The following AR variants were observed in gnomAD, a reference collection of about 807,000 sequenced individuals.
AR encodes dihydrotestosterone receptor.
In AR, 8 loss-of-function variants were observed where a neutral mutation model predicts 53.9. The ratio of observed to expected loss-of-function variants is 0.15; its 90% CI spans 0.09 to 0.27. The LOEUF (loss-of-function observed/expected upper bound fraction) is 0.27. AR is among the 10% of genes least tolerant of loss of function. AR has a pLI of 1.00. For synonymous variants in AR, 359 were observed against 316.4 expected, an observed-to-expected ratio of 1.13 and a Z score of -1.43; for missense variants, 639 against 742.5, an observed-to-expected ratio of 0.86 and a Z score of 1.62.
At chrX:67,701,087 T>C (rs2076040477) in intron 3 of AR, among the ~76,000 whole-genome samples, 1 of 112,040 alleles carries the variant, frequency 8.9e-6, no homozygotes. Flanking sequence ...CTATATCTTA[T>C]GTTGTACAAT....
At position 67,600,437 on chromosome X, in the gene AR, G is replaced by A. The variant is rs926997933; in HGVS notation, c.1617-42819G>A. The stretch of plus-strand genomic sequence containing the variant: ...TATTATATTAAGTGAAATAAGGCAG[G>A]CACAGAAAGGCAAACATTGCATGTT... On this transcript the variant is annotated intron_variant, in intron 1 of 7. Transcript: ENST00000374690. 5.4e-5 allele frequency among the ~76,000 whole-genome samples: 6 copies of A among 110,404 alleles called. No individual in the cohort carries two copies. In the Admixed American group the frequency reaches 5.8e-4, roughly 11 times the overall value.
chrX:67,722,581 AAAAG>A (rs2076140401), intron 6 of AR, among the ~76,000 whole-genome samples: 1 of 111,919 alleles, frequency 8.9e-6, no homozygotes, highest in African/African-American at 3.3e-5. Flanking sequence ...GAAGAGTAGA[AAAAG>A]AAAAGGTTCA....
intron 1 of AR, among the ~76,000 whole-genome samples, chrX:67,637,071 T>C (rs1331838940): frequency 3.6e-5 from 4 of 111,826 alleles, no homozygotes; most frequent in African/African-American, 6.5e-5. Context: ...CACTTTAGTA[T>C]GGATGAAAAT....
intron 1 of AR, among the ~76,000 whole-genome samples, chrX:67,557,664 A>G (rs1481144369): frequency 1.8e-5 from 2 of 111,833 alleles, no homozygotes; most frequent in Admixed American, 1.9e-4. Flanking sequence ...TGGCGACAGA[A>G]CTAGGGCACA....
chrX:67,689,642 C>T (rs941420552), intron 3 of AR: 1 of 935,004 alleles, frequency 1.1e-6, no homozygotes, highest in African/African-American at 2.1e-5. Context: ...CTCTCAGCTG[C>T]TCATCCACAA....
chrX:67,715,943 C>A (rs933458035), intron 4 of AR, among the ~76,000 whole-genome samples: 7 of 111,901 alleles, frequency 6.3e-5, no homozygotes, highest in South Asian at 3.7e-4. Flanking sequence ...AAGCATCCAA[C>A]TGTTTCAAAA....
At chrX:67,602,894 A>T (rs1015146040) in intron 1 of AR, among the ~76,000 whole-genome samples, 1 of 112,243 alleles carries the variant, frequency 8.9e-6, no homozygotes, top group African/African-American at 3.2e-5. Flanking sequence ...TAATATATTT[A>T]CCATGCAAGG....
chrX:67,620,031 T>C (rs1018415058), intron 1 of AR, among the ~76,000 whole-genome samples: 12 of 110,869 alleles, frequency 1.1e-4, no homozygotes, highest in Non-Finnish European at 1.9e-4. Context: ...CTAGTTCTTG[T>C]AGTTTCTTTG....
intron 1 of AR, among the ~76,000 whole-genome samples, chrX:67,614,495 C>T (rs1924024251): frequency 9.0e-6 from 1 of 111,358 alleles, no homozygotes; most frequent in Admixed American, 9.6e-5. Flanking sequence ...AGTAACAACA[C>T]CAGAAGTCTC....
intron 2 of AR, among the ~76,000 whole-genome samples, chrX:67,648,433 C>T (rs1926158200): frequency 9.0e-6 from 1 of 111,388 alleles, no homozygotes; most frequent in African/African-American, 3.3e-5. Context: ...TACCAAGTGT[C>T]ATGGAAAAAC....
intron 1 of AR, among the ~76,000 whole-genome samples, chrX:67,614,687 A>G (rs1055515336): frequency 2.7e-5 from 3 of 111,588 alleles, no homozygotes; most frequent in African/African-American, 9.7e-5. Context: ...AGAATGAGGA[A>G]AGTATGACTC....
Position 67,730,097 on chromosome X carries a change from T to A in AR, c.*6256T>A. 1 of 175,455 alleles carries A rather than the reference T, an allele frequency of 5.7e-6. No homozygotes were observed. Among genetic ancestry groups the A allele is most frequent in the South Asian group, 3.0e-4 (1 of 3,356 alleles). The allele number at this position is 175,455 out of a possible 1,213,427, so 14.5% of individuals were successfully genotyped here. A position where few individuals can be genotyped will look rare whatever the true frequency, so the allele number is the denominator to read the frequency against. ...CAGACATGACATTCTTGTGCTGTCC[T>A]TGGAATTAATCTGGCAGCAGGAGGG... On this transcript the variant is annotated 3_prime_UTR_variant, in exon 8 of 8. Transcript: ENST00000374690.
chrX:67,723,955 T>A lies in AR; in HGVS notation c.*114T>A. ...TGCCTTGGGGAATTTCCTCTATTGA[T>A]GTACAGTCTGTCATGAACATGTTCC... On this transcript the variant is annotated 3_prime_UTR_variant, in exon 8 of 8. Transcript: ENST00000374690. 1.0e-6 allele frequency: 1 copy of A among 971,167 alleles called. No homozygotes were observed. The allele number at this position is 971,167 out of a possible 1,213,427, so 80.0% of individuals were successfully genotyped here.
At chrX:67,696,169 G>A in intron 3 of AR, 1 of 716,713 alleles carries the variant, frequency 1.4e-6, no homozygotes, top group Non-Finnish European at 1.6e-6. Flanking sequence ...TTTCTCTCTC[G>A]TTTGCTTTCC....
In AR at chrX:67,545,831, A is replaced by C. The variant is rs779499323; in HGVS notation, c.685A>C (p.Thr229Pro). 5 of 1,212,176 alleles carry C rather than the reference A, an allele frequency of 4.1e-6. No homozygotes were observed. The South Asian group carries it at 8.8e-5, about 21-fold the overall frequency. The change falls in exon 1 of 8, where the codon ACT (threonine) becomes CCT (proline). Residue 229 changes from threonine to proline, a missense_variant. Physicochemically the swap from Thr to Pro is conservative, Grantham distance 38. Around this residue, in one of 5 missense-constraint regions of AR, gnomAD observed 423 missense variants for 377.0 expected, o/e 1.12. Coordinates refer to ENST00000374690, the MANE Select transcript of AR (RefSeq NM_000044.6). The stretch of plus-strand genomic sequence containing the variant: ...CTCCAAGGACAATTACTTAGGGGGC[A>C]CTTCGACCATTTCTGACAACGCCAA... ...TSSKDNYLGG[T>P]STISDNAKEL...
intron 6 of AR, 26 bp downstream of exon 6, chrX:67,721,989 G>A (rs781566620): frequency 8.3e-7 from 1 of 1,208,194 alleles, no homozygotes; most frequent in South Asian, 1.8e-5. Context: ...TGCAGGGAAT[G>A]CCCCCTGAGG....
chrX:67,622,131 A>G (rs1326852775), intron 1 of AR, among the ~76,000 whole-genome samples: 1 of 112,298 alleles, frequency 8.9e-6, no homozygotes. Flanking sequence ...TGAGAAAAAT[A>G]TTGGTTCAGT....
In AR at chrX:67,724,994, A is replaced by G. The variant is rs916864084; in HGVS notation, c.*1153A>G. On this transcript the variant is annotated 3_prime_UTR_variant, in exon 8 of 8. Transcript: ENST00000374690. ...TTCTCCTGCTTAGGACACTGACTGA[A>G]TAGTTAAACTCTCACTGCCACTACC... 2.3e-5 allele frequency: 4 copies of G among 173,801 alleles called. No individual in the cohort carries two copies. Among genetic ancestry groups the G allele is most frequent in the African/African-American group, 1.2e-4 (4 of 33,782 alleles). 14.3% of individuals were successfully genotyped at this position (173,801 alleles called of 1,213,427 possible).
chrX:67,720,303 T>A (rs1447348841), intron 5 of AR, among the ~76,000 whole-genome samples: 1 of 109,728 alleles, frequency 9.1e-6, no homozygotes, highest in Non-Finnish European at 1.9e-5. Context: ...TCCCCCTTTC[T>A]TTTCCCCTTC....
Sources: allele counts gnomAD v4.1 joint callset (sites outside exome capture counted in the v4.1 genomes callset), GRCh38; gene constraint gnomAD v4.1.1; regional missense constraint gnomAD v4.1.1; transcripts MANE v1.5; gene names NCBI Gene and HGNC (gene_info 2026-07-23, HGNC 2026-07-21).